EXOC6: variants seen among roughly 807,000 people sequenced by gnomAD.
The protein encoded by EXOC6 is exocyst complex component 6, also known as SEC15-like 1.
EXOC6 carries 60 observed loss-of-function variants against 112.5 expected under a neutral mutation model. That is an observed-to-expected ratio of 0.53 (90% CI 0.43 to 0.66). EXOC6 has a LOEUF of 0.66. Among genes scored for constraint, EXOC6 ranks in the 30% least tolerant of loss-of-function variants. EXOC6 has a pLI of 0.00. For missense variants in EXOC6, 855 were observed against 957.1 expected, an observed-to-expected ratio of 0.89 and a Z score of 1.41; for synonymous variants, 295 against 308.0, an observed-to-expected ratio of 0.96 and a Z score of 0.44.
chr10:92,940,516 C>T (rs1469799299), intron 12 of EXOC6, among the ~76,000 whole-genome samples: 1 of 152,046 alleles, frequency 6.6e-6, no homozygotes, highest in Non-Finnish European at 1.5e-5. Context: ...ATGGAAAAAC[C>T]ATTCTATTCT....
At chr10:92,836,671 C>T (rs1846667564) in intron 1 of EXOC6, among the ~76,000 whole-genome samples, 1 of 152,168 alleles carries the variant, frequency 6.6e-6, no homozygotes. Context: ...TCCTAATTTT[C>T]TAAACTGTTC....
intron 18 of EXOC6, among the ~76,000 whole-genome samples, chr10:92,985,975 T>C (rs1254027959): frequency 6.6e-6 from 1 of 151,226 alleles, no homozygotes; most frequent in Non-Finnish European, 1.5e-5. Flanking sequence ...TAACCATATA[T>C]TGTATATATA....
chr10:92,983,491 T>TTC (rs146054966), intron 18 of EXOC6, among the ~76,000 whole-genome samples: 1,439 of 14,288 alleles, frequency 0.1, 33 homozygotes, highest in African/African-American at 0.41. Flanking sequence ...TATTTCTTTC[T>TTC]TTCTTCTTCT....
At chr10:92,943,929 C>G (rs150663491) in intron 13 of EXOC6, among the ~76,000 whole-genome samples, 1 of 152,196 alleles carries the variant, frequency 6.6e-6, no homozygotes, top group African/African-American at 2.4e-5. Context: ...ACCTATAAAT[C>G]AGAAATCAGG....
At chr10:92,840,933 C>A (rs1242713187) in intron 1 of EXOC6, among the ~76,000 whole-genome samples, 1 of 152,156 alleles carries the variant, frequency 6.6e-6, no homozygotes, top group East Asian at 1.9e-4. Flanking sequence ...GCTGGGATTA[C>A]AGGTGTGTGC....
chr10:92,864,409 A>G (rs1284184057), intron 1 of EXOC6, among the ~76,000 whole-genome samples: 1 of 152,200 alleles, frequency 6.6e-6, no homozygotes, highest in Non-Finnish European at 1.5e-5. Flanking sequence ...TTGACTCTAG[A>G]GCACTGGTTC....
intron 1 of EXOC6, among the ~76,000 whole-genome samples, chr10:92,828,634 A>AG (rs1846422108): frequency 2.7e-5 from 1 of 36,514 alleles, no homozygotes; most frequent in Admixed American, 4.9e-4. Flanking sequence ...GTGCCCCGCC[A>AG]GTTTTTTTTT....
At chr10:92,957,075 T>C (rs974287309) in intron 17 of EXOC6, among the ~76,000 whole-genome samples, 5 of 152,084 alleles carry the variant, frequency 3.3e-5, no homozygotes, top group Non-Finnish European at 5.9e-5. Flanking sequence ...AGTATGATAA[T>C]ATAGGAGGAG....
At chr10:92,831,391 CTACTT>C, upstream of EXOC6, 1 of 1,233,792 alleles carries the variant, frequency 8.1e-7, no homozygotes, top group Non-Finnish European at 1.1e-6. Flanking sequence ...GTTAATTAAA[CTACTT>C]TAGAGTATAG....
At chr10:92,925,888 C>T (rs1225061302) in intron 8 of EXOC6, among the ~76,000 whole-genome samples, 1 of 151,868 alleles carries the variant, frequency 6.6e-6, no homozygotes, top group Non-Finnish European at 1.5e-5. Flanking sequence ...ATCATGAACT[C>T]CTGGCCTTGA....
chr10:92,909,930 T>C (rs1850647282), intron 6 of EXOC6, among the ~76,000 whole-genome samples: 1 of 152,248 alleles, frequency 6.6e-6, no homozygotes, highest in Non-Finnish European at 1.5e-5. Context: ...TGGTATAGAA[T>C]TAGCTAAACA....
rs1299919614 is a variant in EXOC6, at chr10:92,916,967, CT to C, written c.819+1068del. On this transcript the variant is annotated intron_variant, in intron 7 of 21. Transcript: ENST00000260762. ...AAAAGTGTAAATCTAATTTTTCTTTCTTTTTTTTTTTTTTGAGACGGGTTCT... is the reference window on the plus strand; with the variant it reads ...AAAAGTGTAAATCTAATTTTTCTTTCTTTTTTTTTTTTTGAGACGGGTTCT... Among the ~76,000 whole-genome samples the C allele has an allele frequency of 5.3e-3, 753 of 140,982 alleles. 1 individual carries two copies. Among genetic ancestry groups the C allele is most frequent in the African/African-American group, 0.012 (468 of 38,788 alleles). The allele number at this position is 140,982 out of a possible 152,430, so 92.5% of individuals were successfully genotyped here. A position where few individuals can be genotyped will look rare whatever the true frequency, so the allele number is the denominator to read the frequency against.
intron 20 of EXOC6, among the ~76,000 whole-genome samples, chr10:93,047,765 G>A (rs911972654): frequency 3.3e-5 from 5 of 151,994 alleles, no homozygotes; most frequent in African/African-American, 1.2e-4. Context: ...GACCAACAGA[G>A]TGAAACCCCC....
In EXOC6 at chr10:93,014,273, A is replaced by G. The variant is rs1844400033; in HGVS notation, c.2169+6A>G. ...CATTCATTGACCTCAGACAAGTAAGATATAATAATGTACTTCCCATTTGTT... is the reference window on the plus strand; with the variant it reads ...CATTCATTGACCTCAGACAAGTAAGGTATAATAATGTACTTCCCATTTGTT... On this transcript the variant is annotated splice_donor_region_variant and intron_variant, in intron 20 of 21. Transcript: ENST00000260762. 6.2e-7 allele frequency: 1 copy of G among 1,608,442 alleles called. No homozygotes were observed. Among genetic ancestry groups the G allele is most frequent in the African/African-American group, 1.3e-5 (1 of 74,892 alleles).
At chr10:93,021,061 T>C (rs369301383) in intron 20 of EXOC6, among the ~76,000 whole-genome samples, 6 of 152,042 alleles carry the variant, frequency 3.9e-5, no homozygotes, top group African/African-American at 1.4e-4. Flanking sequence ...CAGACTTTTG[T>C]CACATAGGCT....
chr10:93,001,815 C>G (rs1225708282), intron 19 of EXOC6, among the ~76,000 whole-genome samples: 2 of 152,182 alleles, frequency 1.3e-5, no homozygotes. Context: ...GAAAACAGCT[C>G]TTACATGTCT....
chr10:92,931,011 C>A (rs1041671181), intron 9 of EXOC6, among the ~76,000 whole-genome samples: 1 of 148,524 alleles, frequency 6.7e-6, no homozygotes, highest in African/African-American at 2.5e-5. Context: ...ACTAGGGAGG[C>A]TGAGGCAGGA....
At chr10:92,940,926 TGTA>T in intron 13 of EXOC6, 102 bp downstream of exon 13, 2 of 780,490 alleles carry the variant, frequency 2.6e-6, no homozygotes, top group Non-Finnish European at 4.2e-6. Context: ...TCATTTTTAT[TGTA>T]GTAAAGTACA....
chr10:93,002,942 T>G (rs564133694), intron 19 of EXOC6, among the ~76,000 whole-genome samples: 1 of 152,266 alleles, frequency 6.6e-6, no homozygotes, highest in East Asian at 1.9e-4. Context: ...ATCCTGCTAG[T>G]CTGTGATATG....
Sources: gnomAD v4.1 joint callset for allele counts (sites outside exome capture counted in the v4.1 genomes callset) on GRCh38, gnomAD v4.1.1 for gene constraint, MANE v1.5 for transcripts, NCBI Gene and HGNC (gene_info 2026-07-23, HGNC 2026-07-21) for gene names.